Variants in CSMD1 observed in about 807,000 individuals in gnomAD.
CSMD1 encodes the protein CUB and sushi domain-containing protein 1.
Under a neutral mutation model 417.5 loss-of-function variants are expected in CSMD1, and 213 were observed. The ratio of observed to expected loss-of-function variants is 0.51; its 90% CI spans 0.46 to 0.57. The LOEUF is 0.57. CSMD1 is among the 20% of genes least tolerant of loss of function. CSMD1 has a pLI of 0.00. For missense variants in CSMD1, 6,923 were observed against 4,529.7 expected (o/e 1.53, Z -15.17); for synonymous variants, 2,862 against 1,736.8 (o/e 1.65, Z -16.11).
At chr8:3,218,866 C>G (rs1798038614) in intron 29 of CSMD1, among the ~76,000 whole-genome samples, 1 of 151,698 alleles carries the variant, frequency 6.6e-6, no homozygotes, top group South Asian at 2.1e-4. Flanking sequence ...GAGCAAAACT[C>G]TGTCTCAAGA....
intron 3 of CSMD1, among the ~76,000 whole-genome samples, chr8:4,382,376 A>G (rs1282400761): frequency 6.6e-6 from 1 of 152,180 alleles, no homozygotes; most frequent in Non-Finnish European, 1.5e-5. Context: ...TTTCCCAGAT[A>G]ATTCCGGAGA....
intron 1 of CSMD1, among the ~76,000 whole-genome samples, chr8:4,936,084 G>A (rs377405934): frequency 9.2e-5 from 14 of 152,328 alleles, no homozygotes; most frequent in African/African-American, 2.2e-4. Context: ...AATCATCATA[G>A]GCAAGGAGTG....
intron 3 of CSMD1, among the ~76,000 whole-genome samples, chr8:4,284,260 C>G (rs762902563): frequency 3.9e-5 from 6 of 152,010 alleles, no homozygotes; most frequent in African/African-American, 4.8e-5. Context: ...GTTAGCTGCT[C>G]GCGAGGCTGA....
At chr8:4,048,967 G>T (rs561739924) in intron 3 of CSMD1, among the ~76,000 whole-genome samples, 3 of 152,154 alleles carry the variant, frequency 2.0e-5, no homozygotes, top group African/African-American at 7.2e-5. Flanking sequence ...TCGTATAAAT[G>T]TGTGTGAATT....
chr8:3,755,053 C>T (rs1797579164), intron 5 of CSMD1, among the ~76,000 whole-genome samples: 1 of 152,204 alleles, frequency 6.6e-6, no homozygotes, highest in Admixed American at 6.5e-5. Context: ...GTTTAGTTGT[C>T]AGAAACAATC....
At chr8:4,924,296 TC>T (rs1301477944) in intron 1 of CSMD1, among the ~76,000 whole-genome samples, 1 of 152,248 alleles carries the variant, frequency 6.6e-6, no homozygotes, top group Non-Finnish European at 1.5e-5. Flanking sequence ...GATATTTTCA[TC>T]CCAGTATCCT....
intron 48 of CSMD1, among the ~76,000 whole-genome samples, chr8:3,089,081 G>A (rs756729837): frequency 1.2e-4 from 18 of 152,122 alleles, no homozygotes; most frequent in Non-Finnish European, 2.4e-4. Flanking sequence ...GCCCTACAGG[G>A]GAAACCATAG....
At chr8:3,479,749 G>A (rs942860514) in intron 11 of CSMD1, among the ~76,000 whole-genome samples, 10 of 152,066 alleles carry the variant, frequency 6.6e-5, no homozygotes, top group African/African-American at 2.4e-4. Flanking sequence ...ATCACGGCTT[G>A]AATGATGAAA....
chr8:3,353,600 A>G (rs1288206959), intron 21 of CSMD1, among the ~76,000 whole-genome samples: 1 of 152,248 alleles, frequency 6.6e-6, no homozygotes, highest in African/African-American at 2.4e-5. Context: ...CATTAAGTAA[A>G]GAGCAAGTGC....
At chr8:3,891,652 G>C (rs1021485699) in intron 5 of CSMD1, among the ~76,000 whole-genome samples, 1 of 150,972 alleles carries the variant, frequency 6.6e-6, no homozygotes, top group African/African-American at 2.4e-5. Flanking sequence ...CACTGCACTA[G>C]AGCCTAGGTG....
chr8:3,479,079 G>A (rs968157125), intron 11 of CSMD1, among the ~76,000 whole-genome samples: 1 of 151,974 alleles, frequency 6.6e-6, no homozygotes, highest in African/African-American at 2.4e-5. Flanking sequence ...CCAGCAGAAA[G>A]CAGTGGAGAC....
chr8:4,161,611 A>G (rs1378983375), intron 3 of CSMD1, among the ~76,000 whole-genome samples: 1 of 152,174 alleles, frequency 6.6e-6, no homozygotes, highest in Non-Finnish European at 1.5e-5. Flanking sequence ...CCTGTTAAAA[A>G]TCTAAATTTA....
intron 7 of CSMD1, among the ~76,000 whole-genome samples, chr8:3,619,657 A>C (rs1017309337): frequency 6.6e-6 from 1 of 152,092 alleles, no homozygotes; most frequent in African/African-American, 2.4e-5. Context: ...ATAATAATCA[A>C]ACTGTTAGGA....
rs1382330637 is a variant in CSMD1 at position 4,026,921 on chromosome 8, A to T, written c.610+4984T>A. 1.4e-5 allele frequency among the ~76,000 whole-genome samples: 2 copies of T among 145,756 alleles called. 1 individual carries two copies. The highest frequency in any genetic ancestry group is 5.4e-5 in the African/African-American group (2 of 37,060). On this transcript the variant is annotated intron_variant, in intron 4 of 69. Coordinates refer to ENST00000635120, the MANE Select transcript of CSMD1 (RefSeq NM_033225.6). ...TGAGCGAATTCTTTAAAAACCAACC[A>T]AACAACAAACAAACAAACAAACAAA... is the stretch of plus-strand genomic sequence containing the variant.
intron 2 of CSMD1, among the ~76,000 whole-genome samples, chr8:4,510,525 T>C (rs114808076): frequency 0.012 from 1,745 of 149,650 alleles, 33 homozygotes; most frequent in African/African-American, 0.041. Flanking sequence ...CTTAGGTGAG[T>C]CTCTTCCCTA....
At chr8:3,262,720 A>G (rs1015623158) in intron 26 of CSMD1, among the ~76,000 whole-genome samples, 1 of 152,152 alleles carries the variant, frequency 6.6e-6, no homozygotes, top group African/African-American at 2.4e-5. Flanking sequence ...AGTTCATTGT[A>G]ATGTCTCATA....
intron 5 of CSMD1, among the ~76,000 whole-genome samples, chr8:3,755,591 T>C (rs1305491078): frequency 1.3e-5 from 2 of 152,104 alleles, no homozygotes; most frequent in Non-Finnish European, 2.9e-5. Flanking sequence ...ACACAGACGA[T>C]TTCCTACGAA....
At chr8:4,748,779 G>C (rs576976196) in intron 1 of CSMD1, among the ~76,000 whole-genome samples, 4 of 152,202 alleles carry the variant, frequency 2.6e-5, no homozygotes, top group Admixed American at 6.5e-5. Flanking sequence ...TTATTGAATA[G>C]GTATTTAGTA....
At chr8:4,166,155 T>G (rs1797443784) in intron 3 of CSMD1, among the ~76,000 whole-genome samples, 5 of 152,220 alleles carry the variant, frequency 3.3e-5, no homozygotes, top group Admixed American at 3.3e-4. Context: ...TAACATTATT[T>G]TAAATTTGTA....
Sources: gnomAD v4.1 joint callset for allele counts (sites outside exome capture counted in the v4.1 genomes callset) on GRCh38, gnomAD v4.1.1 for gene constraint, MANE v1.5 for transcripts, NCBI Gene and HGNC (gene_info 2026-07-23, HGNC 2026-07-21) for gene names.